METTL15: variants seen among roughly 807,000 people sequenced by gnomAD.
The protein encoded by METTL15 is 12S rRNA N(4)-cytidine methyltransferase METTL15.
A neutral mutation model predicts 38.3 loss-of-function variants in METTL15; 34 were observed. The observed-to-expected ratio is 0.89, with a 90% confidence interval of 0.68 to 1.18. The LOEUF is 1.18. Among genes scored for constraint, METTL15 ranks in the 50% most tolerant of loss-of-function variants. The probability of loss-of-function intolerance (pLI) is 0.00; values close to 1 mark genes in which losing one functional copy is unlikely to be tolerated. For synonymous variants in METTL15, 162 were observed against 170.9 expected, an observed-to-expected ratio of 0.95 and a Z score of 0.41; for missense variants, 438 against 498.4, an observed-to-expected ratio of 0.88 and a Z score of 1.15.
intron 3 of METTL15, among the ~76,000 whole-genome samples, chr11:28,173,065 A>G (rs1355124058): frequency 6.6e-6 from 1 of 152,184 alleles, no homozygotes; most frequent in Admixed American, 6.5e-5. Flanking sequence ...AGCATATTTT[A>G]ACTTTTTTGA....
At chr11:28,511,829 G>T (rs890601631) in intron 6 of METTL15, among the ~76,000 whole-genome samples, 1 of 152,288 alleles carries the variant, frequency 6.6e-6, no homozygotes, top group Admixed American at 6.5e-5. Context: ...GACTAGAACG[G>T]GTTGCCACTG....
In METTL15 at chr11:28,463,995, G is replaced by A. The variant is rs551207654; in HGVS notation, c.*424+39631G>A. Among the ~76,000 whole-genome samples, 5 of 152,144 alleles carry A rather than the reference G, an allele frequency of 3.3e-5. No homozygotes were observed. In the South Asian group the frequency reaches 1.0e-3, roughly 32 times the overall value. ...ATGAGTGGGCATAGGGAGCTTTCCC[G>A]CAGTCATTCCTGCGCTATGACCTAG... On this transcript the variant is annotated intron_variant and NMD_transcript_variant, in intron 6 of 7. Coordinates refer to the METTL15 transcript ENST00000532947.
chr11:28,492,432 G>GT (rs1430616407), intron 6 of METTL15, among the ~76,000 whole-genome samples: 1 of 152,030 alleles, frequency 6.6e-6, no homozygotes, highest in African/African-American at 2.4e-5. Flanking sequence ...CCTGTGGGGG[G>GT]TGGTAAGTGC....
chr11:28,471,764 A>G (rs1441181499), intron 6 of METTL15, among the ~76,000 whole-genome samples: 1 of 152,116 alleles, frequency 6.6e-6, no homozygotes, highest in African/African-American at 2.4e-5. Flanking sequence ...TAGAAAAAAA[A>G]AAGTTTCCAG....
chr11:28,222,637 G>T (rs1853294197), intron 4 of METTL15, among the ~76,000 whole-genome samples: 1 of 152,118 alleles, frequency 6.6e-6, no homozygotes, highest in African/African-American at 2.4e-5. Context: ...TCCATCTTCT[G>T]CTTTGCTCAT....
At chr11:28,123,784 A>G (rs1192409537) in intron 3 of METTL15, 9 of 1,083,200 alleles carry the variant, frequency 8.3e-6, no homozygotes, top group Non-Finnish European at 1.2e-5. Context: ...TGTCATCTGT[A>G]ATAGGTTTCT....
chr11:28,219,777 T>G (rs1343303317), intron 4 of METTL15, among the ~76,000 whole-genome samples: 1 of 152,198 alleles, frequency 6.6e-6, no homozygotes, highest in Admixed American at 6.5e-5. Context: ...TTCTCGTTGG[T>G]TTCAAAGAAC....
At chr11:28,140,025 A>G (rs1849645397) in intron 3 of METTL15, among the ~76,000 whole-genome samples, 2 of 152,090 alleles carry the variant, frequency 1.3e-5, no homozygotes, top group South Asian at 4.1e-4. Context: ...TGGCTGTTGG[A>G]TGGAGCATGT....
chr11:28,431,928 A>G (rs1850935661), intron 6 of METTL15, among the ~76,000 whole-genome samples: 1 of 152,176 alleles, frequency 6.6e-6, no homozygotes, highest in Non-Finnish European at 1.5e-5. Flanking sequence ...TTGGACAACA[A>G]GCAAGCTGTG....
intron 3 of METTL15, among the ~76,000 whole-genome samples, chr11:28,186,213 T>G (rs1263330873): frequency 6.6e-6 from 1 of 151,144 alleles, no homozygotes; most frequent in African/African-American, 2.4e-5. Flanking sequence ...TAAATAGAAG[T>G]CATTGCTGAT....
At chr11:28,488,777 C>T (rs1208808198) in intron 6 of METTL15, among the ~76,000 whole-genome samples, 4 of 152,090 alleles carry the variant, frequency 2.6e-5, no homozygotes, top group East Asian at 1.9e-4. Flanking sequence ...TCTGACCCCA[C>T]GATACTTTTT....
chr11:28,141,847 C>A (rs1188844981), intron 3 of METTL15, among the ~76,000 whole-genome samples: 2 of 152,188 alleles, frequency 1.3e-5, no homozygotes, highest in Non-Finnish European at 2.9e-5. Flanking sequence ...TGTGGCCTTT[C>A]ATTATTTTCA....
chr11:28,375,093 T>C (rs1841904242), intron 5 of METTL15, among the ~76,000 whole-genome samples: 2 of 150,162 alleles, frequency 1.3e-5, no homozygotes, highest in African/African-American at 4.9e-5. Context: ...GATTTTTGCA[T>C]CAATGTTCAT....
intron 5 of METTL15, among the ~76,000 whole-genome samples, chr11:28,387,989 A>C (rs903734728): frequency 6.6e-6 from 1 of 152,100 alleles, no homozygotes; most frequent in African/African-American, 2.4e-5. Flanking sequence ...GTATTTGAGA[A>C]AACTCAACAC....
intron 4 of METTL15, among the ~76,000 whole-genome samples, chr11:28,278,216 C>T (rs1167594449): frequency 3.3e-5 from 5 of 152,132 alleles, no homozygotes; most frequent in African/African-American, 9.7e-5. Context: ...CAGAAGCAGG[C>T]ACACACTGGG....
intron 4 of METTL15, among the ~76,000 whole-genome samples, chr11:28,287,852 C>A (rs935090140): frequency 6.6e-6 from 1 of 151,998 alleles, no homozygotes; most frequent in African/African-American, 2.4e-5. Flanking sequence ...CCAAACAAGC[C>A]AATCACATTC....
intron 4 of METTL15, among the ~76,000 whole-genome samples, chr11:28,219,517 G>T (rs1361895210): frequency 6.6e-6 from 1 of 152,046 alleles, no homozygotes; most frequent in African/African-American, 2.4e-5. Flanking sequence ...CCAGCTCCTT[G>T]ATTTATTGAT....
chr11:28,120,077 G>C (rs1852152129), intron 3 of METTL15, among the ~76,000 whole-genome samples: 1 of 152,152 alleles, frequency 6.6e-6, no homozygotes, highest in South Asian at 2.1e-4. Context: ...TCAGCCTCCT[G>C]AGTAGCTGGA....
intron 6 of METTL15, among the ~76,000 whole-genome samples, chr11:28,432,428 TTTCTC>T (rs1234297212): frequency 6.6e-6 from 1 of 152,216 alleles, no homozygotes; most frequent in African/African-American, 2.4e-5. Flanking sequence ...TTATTACTCT[TTTCTC>T]TCCTTGGAAA....
Sources: gnomAD v4.1 joint callset for allele counts (sites outside exome capture counted in the v4.1 genomes callset) on GRCh38, gnomAD v4.1.1 for gene constraint, MANE v1.5 for transcripts, NCBI Gene and HGNC (gene_info 2026-07-23, HGNC 2026-07-21) for gene names.